NCKAP5: variants seen among roughly 807,000 people sequenced by gnomAD.
The protein encoded by NCKAP5 is NCK associated protein 5, also known as nck-associated protein 5.
Under a neutral mutation model 167.0 loss-of-function variants are expected in NCKAP5, and 92 were observed. The ratio of observed to expected loss-of-function variants is 0.55; its 90% CI spans 0.47 to 0.66. The LOEUF (loss-of-function observed/expected upper bound fraction) is 0.66. Among genes scored for constraint, NCKAP5 ranks in the 30% least tolerant of loss-of-function variants. The pLI, the probability that NCKAP5 is intolerant of heterozygous loss-of-function variation, is 0.00. For synonymous variants in NCKAP5, 891 were observed against 877.4 expected, an observed-to-expected ratio of 1.02 and a Z score of -0.27; for missense variants, 2,378 against 2,315.0, an observed-to-expected ratio of 1.03 and a Z score of -0.56.
intron 7 of NCKAP5, among the ~76,000 whole-genome samples, chr2:132,967,883 T>G (rs1025239721): frequency 6.6e-6 from 1 of 152,120 alleles, no homozygotes; most frequent in Non-Finnish European, 1.5e-5. Context: ...AGGGGCAATG[T>G]TAGATGTGCT....
chr2:133,656,484 T>A, the NCKAP5 span, among the ~76,000 whole-genome samples: 11 of 152,202 alleles, frequency 7.2e-5, 1 homozygote, highest in Non-Finnish European at 1.3e-4. Context: ...TCCTAGTTCA[T>A]GGGGGCTGGA....
chr2:132,723,556 T>C (rs1432566125), intron 19 of NCKAP5, among the ~76,000 whole-genome samples: 1 of 152,162 alleles, frequency 6.6e-6, no homozygotes, highest in East Asian at 1.9e-4. Flanking sequence ...TAAAATTAAT[T>C]AAAATTTCAA....
At chr2:133,632,285 T>C in the NCKAP5 span, among the ~76,000 whole-genome samples, 2 of 152,362 alleles carry the variant, frequency 1.3e-5, no homozygotes, top group South Asian at 4.1e-4. Flanking sequence ...GTTAGCATAA[T>C]TGGACATTAA....
intron 4 of NCKAP5, among the ~76,000 whole-genome samples, chr2:133,225,769 A>C (rs2086854655): frequency 8.1e-6 from 1 of 123,998 alleles, no homozygotes; most frequent in South Asian, 2.6e-4. Context: ...GTGGGTCATC[A>C]TGCCCTGTTC....
intron 6 of NCKAP5, among the ~76,000 whole-genome samples, chr2:133,121,021 G>A (rs893318730): frequency 3.3e-5 from 5 of 152,136 alleles, no homozygotes; most frequent in South Asian, 2.1e-4. Context: ...AGGAACAGGG[G>A]AACAAACAAT....
intron 3 of NCKAP5, among the ~76,000 whole-genome samples, chr2:133,374,772 C>G (rs1188179688): frequency 6.6e-6 from 1 of 152,166 alleles, no homozygotes; most frequent in African/African-American, 2.4e-5. Flanking sequence ...AGCAAAAACC[C>G]TACTTTTCTC....
chr2:133,487,780 G>C (rs951395293), intron 3 of NCKAP5, among the ~76,000 whole-genome samples: 4 of 152,184 alleles, frequency 2.6e-5, no homozygotes, highest in African/African-American at 7.2e-5. Flanking sequence ...ACCCACCCCA[G>C]GCTACAGCAG....
intron 7 of NCKAP5, among the ~76,000 whole-genome samples, chr2:132,967,656 A>G (rs141159527): frequency 1.3e-3 from 202 of 152,348 alleles, no homozygotes; most frequent in Non-Finnish European, 2.2e-3. Flanking sequence ...TTGTTCATCC[A>G]ACAAATGTTT....
rs1353428042 is a variant in NCKAP5 at position 133,294,859 on chromosome 2, T to C, written c.143+8178A>G. On this transcript the variant is annotated intron_variant, in intron 4 of 19. Coordinates refer to ENST00000409261, the MANE Select transcript of NCKAP5 (RefSeq NM_207363.3). ...TCTTGGATATATAAAAGTAATTATCTTTTTTTTGCTAGAAGGGATGAGCCT... is the reference window on the plus strand; with the variant it reads ...TCTTGGATATATAAAAGTAATTATCCTTTTTTTGCTAGAAGGGATGAGCCT... 4.6e-5 allele frequency among the ~76,000 whole-genome samples: 7 copies of C among 151,902 alleles called. No homozygotes were observed. The East Asian group carries it at 1.4e-3, about 29-fold the overall frequency.
chr2:133,094,900 A>C (rs900198968), intron 6 of NCKAP5, among the ~76,000 whole-genome samples: 3 of 152,170 alleles, frequency 2.0e-5, no homozygotes, highest in Non-Finnish European at 4.4e-5. Flanking sequence ...GATGACCCCT[A>C]GAAGTTTAGA....
At chr2:132,843,138 G>A (rs1688414003) in intron 11 of NCKAP5, among the ~76,000 whole-genome samples, 1 of 152,048 alleles carries the variant, frequency 6.6e-6, no homozygotes, top group East Asian at 1.9e-4. Context: ...CTTTCTAAAT[G>A]TTTCACAGAT....
At chr2:132,851,844 C>A (rs1005272509) in intron 11 of NCKAP5, among the ~76,000 whole-genome samples, 1 of 152,162 alleles carries the variant, frequency 6.6e-6, no homozygotes, top group Non-Finnish European at 1.5e-5. Flanking sequence ...GACCAGTGCA[C>A]CCTCGTGGTA....
At chr2:133,346,298 G>T (rs965500234) in intron 3 of NCKAP5, among the ~76,000 whole-genome samples, 6 of 152,290 alleles carry the variant, frequency 3.9e-5, no homozygotes, top group African/African-American at 9.6e-5. Context: ...TCAGAATGGG[G>T]TCTATATGCA....
chr2:132,988,409 C>T (rs745639823), intron 7 of NCKAP5, among the ~76,000 whole-genome samples: 8 of 146,562 alleles, frequency 5.5e-5, no homozygotes, highest in Non-Finnish European at 8.9e-5. Flanking sequence ...TTGCAGTGAG[C>T]CAAGATGGTG....
chr2:133,123,909 C>A, intron 6 of NCKAP5: 1 of 416,904 alleles, frequency 2.4e-6, no homozygotes, highest in Non-Finnish European at 5.1e-6. Flanking sequence ...CACTTCTATG[C>A]CAGGTGCCTA....
rs1252543902 is a variant in NCKAP5, at chr2:133,552,210, A to G, written c.-62+6840T>C. ...GGCGATTCCTCAGGGATCTAGAACT[A>G]GAAATACCATTTGACCCAGCCATCC... On this transcript the variant is annotated intron_variant, in intron 2 of 19. Transcript: ENST00000409261. Among the ~76,000 whole-genome samples, 117 of 94,802 alleles carry G rather than the reference A, an allele frequency of 1.2e-3. 3 individuals carry two copies. The highest frequency in any genetic ancestry group is 9.9e-3 in the Admixed American group (88 of 8,850). The allele number at this position is 94,802 out of a possible 152,430, so 62.2% of individuals were successfully genotyped here.
At chr2:133,320,098 T>A (rs762314716) in intron 3 of NCKAP5, among the ~76,000 whole-genome samples, 4 of 151,972 alleles carry the variant, frequency 2.6e-5, no homozygotes, top group Admixed American at 6.5e-5. Flanking sequence ...TCACAAGGAG[T>A]AGAAGCAATG....
intron 3 of NCKAP5, among the ~76,000 whole-genome samples, chr2:133,395,269 T>C (rs925284125): frequency 1.3e-5 from 2 of 152,258 alleles, no homozygotes; most frequent in South Asian, 2.1e-4. Context: ...TGTAATTAAC[T>C]CAATGTCATC....
At chr2:133,464,854 C>A (rs1692444293) in intron 3 of NCKAP5, among the ~76,000 whole-genome samples, 1 of 151,686 alleles carries the variant, frequency 6.6e-6, no homozygotes, top group Non-Finnish European at 1.5e-5. Context: ...ACTTGCAAGT[C>A]AGACACTCCT....
Sources: gnomAD v4.1 joint callset for allele counts (sites outside exome capture counted in the v4.1 genomes callset) on GRCh38, gnomAD v4.1.1 for gene constraint, MANE v1.5 for transcripts, NCBI Gene and HGNC (gene_info 2026-07-23, HGNC 2026-07-21) for gene names.